Variants in TMTC2 observed in about 807,000 individuals in gnomAD.
TMTC2 encodes protein O-mannosyl-transferase TMTC2.
A neutral mutation model predicts 82.4 loss-of-function variants in TMTC2; 43 were observed. The ratio of observed to expected loss-of-function variants is 0.52; its 90% CI spans 0.41 to 0.67. The LOEUF (loss-of-function observed/expected upper bound fraction) is 0.67. Ranked by LOEUF, TMTC2 falls within the 30% of genes least tolerant of loss-of-function variation. The probability of loss-of-function intolerance (pLI) is 0.00; values close to 1 mark genes in which losing one functional copy is unlikely to be tolerated. For missense variants in TMTC2, 919 were observed against 1,012.4 expected (o/e 0.91, Z 1.25); for synonymous variants, 408 against 381.9 (o/e 1.07, Z -0.80).
intron 1 of TMTC2, among the ~76,000 whole-genome samples, chr12:82,695,190 T>C (rs1872730402): frequency 6.6e-6 from 1 of 152,226 alleles, no homozygotes; most frequent in Non-Finnish European, 1.5e-5. Context: ...CATATAACCC[T>C]GCATACTTGG....
intron 1 of TMTC2, among the ~76,000 whole-genome samples, chr12:82,774,923 C>A (rs189574991): frequency 6.6e-6 from 1 of 151,996 alleles, no homozygotes; most frequent in Non-Finnish European, 1.5e-5. Context: ...TAGGTATTCA[C>A]GTCCTCAGCC....
intron 8 of TMTC2, among the ~76,000 whole-genome samples, chr12:82,990,537 T>C (rs1879355561): frequency 6.6e-6 from 1 of 152,194 alleles, no homozygotes; most frequent in African/African-American, 2.4e-5. Flanking sequence ...AAGTCTTGCC[T>C]GACTTTCTTA....
chr12:82,757,161 C>G (rs1876372713), intron 1 of TMTC2, among the ~76,000 whole-genome samples: 1 of 152,144 alleles, frequency 6.6e-6, no homozygotes. Context: ...AGTGGTAGAG[C>G]TTGCAGTTTA....
chr12:82,845,076 C>T (rs1485907620), intron 1 of TMTC2, among the ~76,000 whole-genome samples: 1 of 147,358 alleles, frequency 6.8e-6, no homozygotes, highest in African/African-American at 2.5e-5. Context: ...AAAAATACAA[C>T]AAATTAGCTG....
At chr12:82,897,755 C>T (rs1873755091) in intron 3 of TMTC2, among the ~76,000 whole-genome samples, 1 of 152,142 alleles carries the variant, frequency 6.6e-6, no homozygotes, top group Admixed American at 6.5e-5. Context: ...CAACTCCTGA[C>T]CTTAGGTGAT....
intron 1 of TMTC2, among the ~76,000 whole-genome samples, chr12:82,818,027 T>C (rs1592546683): frequency 6.6e-6 from 1 of 152,166 alleles, no homozygotes; most frequent in Non-Finnish European, 1.5e-5. Context: ...AGCTATGATT[T>C]TAAGATGGGA....
chr12:82,986,024 A>G lies in TMTC2; in HGVS notation c.2048A>G (p.Tyr683Cys), dbSNP rs1038376211. Residue 683 changes from tyrosine to cysteine, a missense_variant, in exon 8 of 12, where the codon TAT (tyrosine) becomes TGT (cysteine). Transcript: ENST00000321196. Reference protein sequence around the residue: ...KTDHIPAHLTYGKLLALTGRK... With the variant: ...KTDHIPAHLTCGKLLALTGRK... ...GACCACATCCCTGCTCATCTCACCT[A>G]TGGGAAGCTGCTAGCTCTAACAGTG... 1.9e-6 allele frequency: 3 copies of G among 1,613,990 alleles called. No individual in the cohort carries two copies. Among genetic ancestry groups the G allele is most frequent in the South Asian group, 1.1e-5 (1 of 91,078 alleles).
intron 1 of TMTC2, among the ~76,000 whole-genome samples, chr12:82,744,296 T>C (rs1454653052): frequency 2.6e-5 from 4 of 152,112 alleles, no homozygotes; most frequent in African/African-American, 9.7e-5. Context: ...TAGTGGCACA[T>C]GCCGTAGTCC....
intron 3 of TMTC2, among the ~76,000 whole-genome samples, chr12:82,922,319 A>C (rs1468441679): frequency 6.6e-6 from 1 of 152,222 alleles, no homozygotes; most frequent in Non-Finnish European, 1.5e-5. Context: ...ATAAGTACCA[A>C]AGTGAAAATT....
chr12:82,854,941 G>C (rs1871181608), intron 1 of TMTC2, among the ~76,000 whole-genome samples: 1 of 152,160 alleles, frequency 6.6e-6, no homozygotes, highest in East Asian at 1.9e-4. Flanking sequence ...TTCATAGATT[G>C]TATCCTAGTC....
intron 3 of TMTC2, among the ~76,000 whole-genome samples, chr12:82,917,581 T>G (rs1875072607): frequency 6.6e-6 from 1 of 151,788 alleles, no homozygotes; most frequent in African/African-American, 2.4e-5. Context: ...TAGCTTAAAA[T>G]TGGCTTTTAT....
At chr12:83,122,445 G>T (rs755085609) in intron 11 of TMTC2, among the ~76,000 whole-genome samples, 36 of 152,062 alleles carry the variant, frequency 2.4e-4, no homozygotes, top group Non-Finnish European at 3.1e-4. Context: ...CCCCTGTGAG[G>T]CCAGGCAGAG....
intron 1 of TMTC2, chr12:82,759,645 C>G (rs1012218531): frequency 6.6e-6 from 1 of 152,186 alleles, no homozygotes; most frequent in Non-Finnish European, 1.5e-5. Context: ...AAAAACTGCA[C>G]TTGACTCTTG....
chr12:82,688,802 C>A (rs1428782401), intron 1 of TMTC2, among the ~76,000 whole-genome samples: 2 of 152,168 alleles, frequency 1.3e-5, no homozygotes, highest in Non-Finnish European at 2.9e-5. Flanking sequence ...AGTGAGAGCA[C>A]TTACGCAAAG....
intron 1 of TMTC2, among the ~76,000 whole-genome samples, chr12:82,798,493 C>G (rs1298758956): frequency 9.0e-5 from 1 of 11,052 alleles, no homozygotes; most frequent in Admixed American, 1.2e-3. Flanking sequence ...GGAGACTCGT[C>G]TCAAAAAAAA....
intron 1 of TMTC2, among the ~76,000 whole-genome samples, chr12:82,819,535 C>T (rs1279546846): frequency 7.7e-6 from 1 of 130,570 alleles, no homozygotes; most frequent in African/African-American, 3.0e-5. Context: ...GAGTTTCGCT[C>T]TCGTTGCCCA....
chr12:83,005,322 C>T (rs1477374288), intron 8 of TMTC2, among the ~76,000 whole-genome samples: 2 of 132,646 alleles, frequency 1.5e-5, no homozygotes. Context: ...CAAGGAGACT[C>T]TGGTCTCCAA....
intron 8 of TMTC2, among the ~76,000 whole-genome samples, chr12:82,992,497 A>G (rs1268771461): frequency 6.6e-6 from 1 of 152,196 alleles, no homozygotes; most frequent in African/African-American, 2.4e-5. Context: ...TGAAGACATA[A>G]TATCACATAT....
intron 4 of TMTC2, among the ~76,000 whole-genome samples, chr12:82,937,785 T>TATATAC (rs1876452207): frequency 4.2e-5 from 1 of 24,062 alleles, no homozygotes; most frequent in Non-Finnish European, 9.1e-5. Flanking sequence ...TATATATATA[T>TATATAC]ATATATATAT....
Sources: allele counts gnomAD v4.1 joint callset (sites outside exome capture counted in the v4.1 genomes callset), GRCh38; gene constraint gnomAD v4.1.1; transcripts MANE v1.5; gene names NCBI Gene and HGNC (gene_info 2026-07-23, HGNC 2026-07-21).